CUX1: variants seen among roughly 807,000 people sequenced by gnomAD.
The protein encoded by CUX1 is cut like homeobox 1, also known as protein CASP.
Under a neutral mutation model 158.8 loss-of-function variants are expected in CUX1, and 31 were observed. The observed-to-expected ratio is 0.20, with a 90% confidence interval of 0.15 to 0.26. The LOEUF is 0.26. Among genes scored for constraint, CUX1 ranks in the 10% least tolerant of loss-of-function variants. The pLI is 1.00. For synonymous variants in CUX1, 879 were observed against 862.1 expected, an observed-to-expected ratio of 1.02 and a Z score of -0.34; for missense variants, 1,589 against 2,014.6, an observed-to-expected ratio of 0.79 and a Z score of 4.04.
chr7:102,047,593 G>GA (rs1822978264), intron 3 of CUX1, among the ~76,000 whole-genome samples: 2 of 142,802 alleles, frequency 1.4e-5, no homozygotes, highest in Admixed American at 1.4e-4. Context: ...GGGAGGGAGG[G>GA]ATGGATGGAT....
chr7:102,277,446 A>AG (rs1791688796), intron 17 of CUX1, among the ~76,000 whole-genome samples: 1 of 151,102 alleles, frequency 6.6e-6, no homozygotes, highest in African/African-American at 2.4e-5. Flanking sequence ...ATACAAAAAA[A>AG]CTAGCCAGGC....
chr7:102,275,219 C>T, intron 16 of CUX1: 1 of 1,557,650 alleles, frequency 6.4e-7, no homozygotes, highest in South Asian at 1.2e-5. Flanking sequence ...TCCTGCCACC[C>T]CCCAAGCCAC....
At chr7:101,987,954 G>A (rs1436878720) in intron 2 of CUX1, among the ~76,000 whole-genome samples, 2 of 152,234 alleles carry the variant, frequency 1.3e-5, no homozygotes, top group Non-Finnish European at 2.9e-5. Flanking sequence ...GCTCATGCCT[G>A]TAATCTCAGC....
At chr7:102,203,782 C>G (rs143956727) in intron 18 of CUX1, among the ~76,000 whole-genome samples, 5 of 152,212 alleles carry the variant, frequency 3.3e-5, no homozygotes, top group African/African-American at 1.2e-4. Context: ...CGTCAGAAAA[C>G]TCGGGTGTGT....
chr7:102,148,267 G>A (rs1254165757), intron 8 of CUX1, among the ~76,000 whole-genome samples: 7 of 152,068 alleles, frequency 4.6e-5, no homozygotes, highest in Non-Finnish European at 5.9e-5. Context: ...GGCTGGGCAC[G>A]GTGGCTCACA....
At chr7:102,216,530 C>A (rs71540931) in intron 20 of CUX1, among the ~76,000 whole-genome samples, 1 of 85,542 alleles carries the variant, frequency 1.2e-5, no homozygotes, top group Non-Finnish European at 2.1e-5. Flanking sequence ...ACACACTCTC[C>A]CCCCCACACA....
At chr7:102,112,921 G>A (rs1239943611) in intron 7 of CUX1, among the ~76,000 whole-genome samples, 1 of 152,008 alleles carries the variant, frequency 6.6e-6, no homozygotes, top group Non-Finnish European at 1.5e-5. Flanking sequence ...CCAGAACTGA[G>A]CAGATTATTT....
At position 102,234,170 on chromosome 7, in the gene CUX1, G is replaced by A. The variant is rs1799294237; in HGVS notation, c.3552G>A (p.Arg1184=). ...LSLKGREPFV[R]MQLWLNDPNN... is the part of the protein sequence containing the mutation. ...TGAAAGGACGAGAGCCCTTCGTCCG[G>A]ATGCAGCTGTGGCTGAACGACCCCA... Residue 1184 remains arginine (R), a synonymous_variant, in exon 22 of 24, where the codon CGG becomes CGA. Transcript: ENST00000292535. 6.2e-6 allele frequency: 10 copies of A among 1,600,606 alleles called. No homozygotes were observed. The highest frequency in any genetic ancestry group is 2.3e-5 in the East Asian group (1 of 43,114).
intron 11 of CUX1, among the ~76,000 whole-genome samples, chr7:102,181,069 G>T (rs1468819729): frequency 6.6e-6 from 1 of 151,468 alleles, no homozygotes; most frequent in East Asian, 1.9e-4. Context: ...TGCCTCCTGA[G>T]TAGCTGGGAT....
intron 2 of CUX1, among the ~76,000 whole-genome samples, chr7:101,958,844 CTTTTT>C (rs10667965): frequency 1.5e-5 from 1 of 65,816 alleles, no homozygotes; most frequent in Non-Finnish European, 2.7e-5. Flanking sequence ...AGATGATGCC[CTTTTT>C]TTTTTTTTTT....
At chr7:102,212,159 A>G (rs116901171) in intron 20 of CUX1, among the ~76,000 whole-genome samples, 2,187 of 152,254 alleles carry the variant, frequency 0.014, 15 homozygotes, top group Admixed American at 0.026. Context: ...GCAGGAGAAC[A>G]TGGGTATTTG....
chr7:102,214,070 T>C (rs1407613408), intron 20 of CUX1, among the ~76,000 whole-genome samples: 1 of 151,876 alleles, frequency 6.6e-6, no homozygotes, highest in Non-Finnish European at 1.5e-5. Flanking sequence ...CAGAGGTGGT[T>C]GCACTGAGGC....
rs189035259 is a variant in CUX1 at position 102,081,544 on chromosome 7, C to T, written c.268+11127C>T. On this transcript the variant is annotated intron_variant, in intron 4 of 23. Transcript: ENST00000292535. ...AGGTGCTTGCTTCTCCTTCACCTTC[C>T]GCCACAACTGTTTCCTGAGGCCTCC... is the stretch of plus-strand genomic sequence containing the variant. Among the ~76,000 whole-genome samples the T allele has an allele frequency of 2.2e-4, 32 of 147,292 alleles. 1 individual carries two copies. The East Asian group carries it at 6.0e-3, about 28-fold the overall frequency.
chr7:101,954,173 A>T (rs1809468730), intron 2 of CUX1, among the ~76,000 whole-genome samples: 2 of 152,154 alleles, frequency 1.3e-5, no homozygotes, highest in African/African-American at 4.8e-5. Flanking sequence ...TGGGCAACAT[A>T]ACAAGAGCCC....
chr7:102,095,397 T>C (rs913970101), intron 4 of CUX1, among the ~76,000 whole-genome samples: 3 of 152,130 alleles, frequency 2.0e-5, no homozygotes, highest in Admixed American at 1.3e-4. Context: ...CAGAAAGAGA[T>C]GCAATTATAG....
intron 1 of CUX1, among the ~76,000 whole-genome samples, chr7:101,840,216 T>C (rs1482799820): frequency 6.6e-6 from 1 of 152,248 alleles, no homozygotes; most frequent in African/African-American, 2.4e-5. Flanking sequence ...GGAAATAATA[T>C]ATGCAAAATA....
At chr7:102,055,782 G>A (rs191565124) in intron 3 of CUX1, among the ~76,000 whole-genome samples, 16 of 152,342 alleles carry the variant, frequency 1.1e-4, no homozygotes, top group East Asian at 5.8e-4. Flanking sequence ...TGAGAAAGGC[G>A]TGTTGAAAGC....
intron 6 of CUX1, among the ~76,000 whole-genome samples, chr7:102,110,082 T>C (rs1394804929): frequency 6.6e-6 from 1 of 152,166 alleles, no homozygotes; most frequent in Non-Finnish European, 1.5e-5. Context: ...GTGATCACCT[T>C]TGTATTAAAA....
At chr7:101,893,092 AT>A (rs1363122116) in intron 1 of CUX1, among the ~76,000 whole-genome samples, 1 of 150,074 alleles carries the variant, frequency 6.7e-6, no homozygotes, top group African/African-American at 2.5e-5. Context: ...TGTTGATAAC[AT>A]CATATTTTGC....
Sources: allele counts gnomAD v4.1 joint callset (sites outside exome capture counted in the v4.1 genomes callset), GRCh38; gene constraint gnomAD v4.1.1; transcripts MANE v1.5; gene names NCBI Gene and HGNC (gene_info 2026-07-23, HGNC 2026-07-21).